The following KALRN variants were observed in gnomAD, a reference collection of about 807,000 sequenced individuals.
KALRN encodes the protein kalirin.
Under a neutral mutation model 353.7 loss-of-function variants are expected in KALRN, and 70 were observed. That is an observed-to-expected ratio of 0.20 (90% CI 0.16 to 0.24). KALRN has a LOEUF of 0.24. Among genes scored for constraint, KALRN ranks in the 10% least tolerant of loss-of-function variants. KALRN has a pLI of 1.00. For synonymous variants in KALRN, 1,391 were observed against 1,434.8 expected, an observed-to-expected ratio of 0.97 and a Z score of 0.69; for missense variants, 2,791 against 3,756.7, an observed-to-expected ratio of 0.74 and a Z score of 6.72.
intron 21 of KALRN, among the ~76,000 whole-genome samples, chr3:124,447,365 C>G (rs2093874948): frequency 6.6e-6 from 1 of 152,160 alleles, no homozygotes. Flanking sequence ...GGCCTCAAAC[C>G]CGCTCATGAG....
At chr3:124,265,817 T>C (rs62262819) in intron 4 of KALRN, among the ~76,000 whole-genome samples, 52,352 of 151,972 alleles carry the variant, frequency 0.34, 9,121 homozygotes, top group Middle Eastern at 0.38. Flanking sequence ...GTGACATTAA[T>C]CCACAAATAC....
chr3:124,587,698 CTTTTTTT>C (rs529810541), intron 34 of KALRN, among the ~76,000 whole-genome samples: 17 of 75,856 alleles, frequency 2.2e-4, no homozygotes, highest in African/African-American at 6.3e-4. Flanking sequence ...CCACCCTCCA[CTTTTTTT>C]TTTTTTTTTT....
chr3:124,591,043 G>A (rs2669925), intron 34 of KALRN, among the ~76,000 whole-genome samples: 19,628 of 152,060 alleles, frequency 0.13, 2,876 homozygotes, highest in East Asian at 0.42. Context: ...ACTCTAAATC[G>A]GGTGTTGACT....
At chr3:124,452,394 T>C (rs560610712) in intron 21 of KALRN, among the ~76,000 whole-genome samples, 3 of 152,342 alleles carry the variant, frequency 2.0e-5, no homozygotes, top group East Asian at 1.9e-4. Context: ...GAATAAGATA[T>C]AATACTTACC....
rs144465315 is a variant in KALRN, at chr3:124,234,909, C to A, written c.229C>A (p.Arg77=). ...NHDRIRQEDL[R]KLVTYLASVP... ...TGACAGAATAAGACAGGAAGACCTG[C>A]GGAAACTCGTGACGTATTTGGCCAG... Residue 77 remains arginine (R), a synonymous_variant, in exon 3 of 60, where the codon CGG becomes AGG. Transcript: ENST00000682506. The A allele has an allele frequency of 1.9e-3, 2,981 of 1,607,592 alleles. 12 individuals carry two copies. Among genetic ancestry groups the A allele is most frequent in the Non-Finnish European group, 1.9e-3 (2,215 of 1,176,622 alleles).
chr3:124,037,934 CAG>C (rs2039585178), intron 1 of KALRN, among the ~76,000 whole-genome samples: 1 of 151,974 alleles, frequency 6.6e-6, no homozygotes, highest in South Asian at 2.1e-4. Context: ...GGGGGCGACT[CAG>C]GGAAATCCAG....
chr3:124,113,694 GC>G, intron 1 of KALRN, among the ~76,000 whole-genome samples: 1 of 152,340 alleles, frequency 6.6e-6, no homozygotes, highest in East Asian at 1.9e-4. Flanking sequence ...GAGCTGGGCT[GC>G]CTCAGAGGGG....
At chr3:124,310,337 C>T (rs966098626) in intron 6 of KALRN, among the ~76,000 whole-genome samples, 1 of 152,100 alleles carries the variant, frequency 6.6e-6, no homozygotes, top group Non-Finnish European at 1.5e-5. Context: ...GGCAATACTC[C>T]TCAAATCCTT....
intron 5 of KALRN, among the ~76,000 whole-genome samples, chr3:124,282,767 A>G (rs1451231919): frequency 6.6e-6 from 1 of 152,180 alleles, no homozygotes; most frequent in African/African-American, 2.4e-5. Context: ...GGGGCTCTTC[A>G]TTCAGTAAGT....
At chr3:124,459,854 AT>A (rs1264123287) in intron 23 of KALRN, among the ~76,000 whole-genome samples, 14 of 152,224 alleles carry the variant, frequency 9.2e-5, no homozygotes, top group Non-Finnish European at 1.8e-4. Context: ...TGCTGTGTGA[AT>A]CAGAGCTTGT....
At chr3:124,411,433 C>CTTTT (rs61485429) in intron 13 of KALRN, among the ~76,000 whole-genome samples, 571 of 51,462 alleles carry the variant, frequency 0.011, 83 homozygotes, top group African/African-American at 0.033. Flanking sequence ...TTAAATTATG[C>CTTTT]TTTTTTTTTT....
chr3:124,087,675 G>T (rs1224124080), intron 1 of KALRN, among the ~76,000 whole-genome samples: 1 of 152,126 alleles, frequency 6.6e-6, no homozygotes, highest in African/African-American at 2.4e-5. Flanking sequence ...GTCTTTTGGG[G>T]TGCTGGGATA....
At chr3:124,659,492 A>C in intron 43 of KALRN, 35 bp downstream of exon 43, 1 of 1,385,636 alleles carries the variant, frequency 7.2e-7, no homozygotes, top group African/African-American at 1.4e-5. Context: ...GGGCTGGAGA[A>C]GGATCCATCA....
chr3:124,656,729 C>T (rs898469717), intron 39 of KALRN, among the ~76,000 whole-genome samples: 20 of 152,216 alleles, frequency 1.3e-4, no homozygotes, highest in African/African-American at 4.6e-4. Flanking sequence ...AATCTGCTGA[C>T]TTAGGGTTTT....
chr3:124,279,718 C>T (rs1313253666), intron 5 of KALRN, among the ~76,000 whole-genome samples: 2 of 152,182 alleles, frequency 1.3e-5, no homozygotes, highest in Non-Finnish European at 2.9e-5. Context: ...ATCACTGTGC[C>T]GAGTACTGTG....
At chr3:124,659,584 G>T (rs929350933) in intron 43 of KALRN, 127 bp downstream of exon 43, 1 of 662,744 alleles carries the variant, frequency 1.5e-6, no homozygotes. Flanking sequence ...TGAACTGTGG[G>T]AGGGGTGGTA....
intron 5 of KALRN, among the ~76,000 whole-genome samples, chr3:124,270,265 C>T (rs2073988562): frequency 1.3e-5 from 2 of 152,118 alleles, no homozygotes. Flanking sequence ...TTTACAATGT[C>T]TGATATCATG....
At chr3:124,569,496 T>C (rs2073276876) in intron 34 of KALRN, among the ~76,000 whole-genome samples, 1 of 152,218 alleles carries the variant, frequency 6.6e-6, no homozygotes, top group African/African-American at 2.4e-5. Flanking sequence ...TGGGTTGCTT[T>C]ATGCTAATAG....
chr3:124,399,974 T>C (rs1358029209), intron 13 of KALRN, among the ~76,000 whole-genome samples: 1 of 152,156 alleles, frequency 6.6e-6, no homozygotes, highest in Non-Finnish European at 1.5e-5. Flanking sequence ...ATGTCTTCTG[T>C]TTGCTCCTGG....
Sources: gnomAD v4.1 joint callset for allele counts (sites outside exome capture counted in the v4.1 genomes callset) on GRCh38, gnomAD v4.1.1 for gene constraint, MANE v1.5 for transcripts, NCBI Gene and HGNC (gene_info 2026-07-23, HGNC 2026-07-21) for gene names.